CABIN1: variants seen among roughly 807,000 people sequenced by gnomAD.
CABIN1 encodes the protein calcineurin binding protein 1.
Under a neutral mutation model 227.7 loss-of-function variants are expected in CABIN1, and 133 were observed. The observed-to-expected ratio is 0.58, with a 90% confidence interval of 0.51 to 0.67. The LOEUF is 0.67. Ranked by LOEUF, CABIN1 falls within the 30% of genes least tolerant of loss-of-function variation. The pLI is 0.00. For missense variants in CABIN1, 2,408 were observed against 2,852.5 expected (o/e 0.84, Z 3.55); for synonymous variants, 1,086 against 1,155.1 (o/e 0.94, Z 1.21).
Position 24,084,650 on chromosome 22 carries a change from C to T in CABIN1, c.2982C>T (p.Asp994=), listed in dbSNP as rs1252233897. Residue 994 remains aspartate (D), a synonymous_variant, in exon 21 of 37, where the codon GAC becomes GAT. Transcript: ENST00000263119. ...YFKPKTLPEF[D]SYKTSTVSAD... is the part of the protein sequence containing the mutation. ...AGCCCAAGACCCTTCCTGAATTTGA[C>T]AGCTATAAGACCAGCACCGTGTCTG... is the stretch of plus-strand genomic sequence containing the variant. The T allele has an allele frequency of 1.9e-6, 3 of 1,614,118 alleles. No individual in the cohort carries two copies. The highest frequency in any genetic ancestry group is 1.3e-5 in the African/African-American group (1 of 75,026).
At position 24,136,219 on chromosome 22, in the gene CABIN1, T is replaced by A. The variant is rs187091037; in HGVS notation, c.4746+1804T>A. The stretch of plus-strand genomic sequence containing the variant: ...GTGCACACACTTCTGCCCCTTGTAT[T>A]TTTTCGCTAAACAATATCTCTAACA... On this transcript the variant is annotated intron_variant, in intron 29 of 36. Coordinates refer to ENST00000263119, the MANE Select transcript of CABIN1 (RefSeq NM_012295.4). 3.3e-5 allele frequency among the ~76,000 whole-genome samples: 5 copies of A among 152,212 alleles called. No homozygotes were observed. In the East Asian group the frequency reaches 9.6e-4, roughly 29 times the overall value.
At chr22:24,155,752 A>G in intron 29 of CABIN1, 2 of 372,656 alleles carry the variant, frequency 5.4e-6, no homozygotes, top group South Asian at 1.5e-4. Context: ...CAGTTGGCCA[A>G]TGCCATCCCG....
At chr22:24,035,390 G>C in intron 1 of CABIN1, 54 bp from the exon 2 acceptor site, 1 of 1,278,410 alleles carries the variant, frequency 7.8e-7, no homozygotes, top group African/African-American at 1.5e-5. Flanking sequence ...TTGGCACTGT[G>C]ACCTTCCTGG....
At position 24,055,063 on chromosome 22, in the gene CABIN1, G is replaced by A; in HGVS notation, c.997G>A (p.Val333Met). ...AAGCACTGTCAGCACCAACCCAGCT[G>A]TGGCTGTCGCCGAGCCTGTGGTCTC... ...QPSTVSTNPAVAVAEPVVSYT... is the reference protein window; with the variant it reads ...QPSTVSTNPAMAVAEPVVSYT... The change falls in exon 9 of 37, where the codon GTG becomes ATG. Residue 333 changes from valine (V) to methionine (M), a missense_variant. Physicochemically the swap from Val to Met is conservative, Grantham distance 21. This residue lies in a region of CABIN1 where 1,045 missense variants were observed against 1,168.4 expected (regional missense o/e 0.89). Coordinates refer to ENST00000263119, the MANE Select transcript of CABIN1 (RefSeq NM_012295.4). 6.2e-7 allele frequency: 1 copy of A among 1,614,270 alleles called. No individual in the cohort carries two copies. Among genetic ancestry groups the A allele is most frequent in the East Asian group, 2.2e-5 (1 of 44,890 alleles).
intron 24 of CABIN1, among the ~76,000 whole-genome samples, chr22:24,094,840 A>G (rs1407264284): frequency 1.6e-4 from 25 of 151,780 alleles, no homozygotes; most frequent in Admixed American, 9.2e-4. Flanking sequence ...AAAAAAAAAA[A>G]AAAAAGAAAC....
Position 24,070,849 on chromosome 22 carries a change from A to G in CABIN1, c.2282A>G (p.Asp761Gly), listed in dbSNP as rs1346404485. ...TATCGGCAGTGTTTTGAGTGTTCCG[A>G]TGTGGCTCTGAACGAGGCTGTCCAG... The part of the protein sequence containing the change: ...KDYRQCFECS[D>G]VALNEAVQQM... The change falls in exon 17 of 37, where the codon GAT becomes GGT. Residue 761 changes from aspartate to glycine, a missense_variant. Coordinates refer to ENST00000263119, the MANE Select transcript of CABIN1 (RefSeq NM_012295.4). 2 of 1,614,152 alleles carry G rather than the reference A, an allele frequency of 1.2e-6. No homozygotes were observed. Among genetic ancestry groups the G allele is most frequent in the Non-Finnish European group, 1.7e-6 (2 of 1,180,020 alleles).
At chr22:24,016,685 A>G (rs1346330936) in intron 1 of CABIN1, among the ~76,000 whole-genome samples, 1 of 152,226 alleles carries the variant, frequency 6.6e-6, no homozygotes, top group Non-Finnish European at 1.5e-5. Context: ...CTGGGTTGAA[A>G]GGTAAATGCA....
chr22:24,035,629 G>A, intron 2 of CABIN1, 109 bp downstream of exon 2: 5 of 1,384,178 alleles, frequency 3.6e-6, no homozygotes, highest in Non-Finnish European at 5.2e-6. Context: ...TTATTATGGA[G>A]TAGCCTTCCT....
intron 12 of CABIN1, among the ~76,000 whole-genome samples, chr22:24,060,880 A>G (rs1179464220): frequency 1.3e-5 from 2 of 152,036 alleles, no homozygotes; most frequent in African/African-American, 4.8e-5. Flanking sequence ...AGCCTAGGCG[A>G]CAAGGCGAGA....
intron 6 of CABIN1, among the ~76,000 whole-genome samples, chr22:24,047,187 C>T (rs765214525): frequency 1.3e-4 from 20 of 152,170 alleles, no homozygotes; most frequent in Non-Finnish European, 2.6e-4. Flanking sequence ...CTGATACATA[C>T]ACCTGTGAGA....
At chr22:24,085,224 A>C in intron 22 of CABIN1, 73 bp downstream of exon 22, 1 of 1,530,522 alleles carries the variant, frequency 6.5e-7, no homozygotes. Flanking sequence ...CAAGCTCTTC[A>C]GTGGGCCACT....
Position 24,067,067 on chromosome 22 carries a change from G to C in CABIN1, c.2118G>C (p.Lys706Asn), listed in dbSNP as rs766971496. The C allele has an allele frequency of 6.2e-7, 1 of 1,614,220 alleles. No homozygotes were observed. Among genetic ancestry groups the C allele is most frequent in the South Asian group, 1.1e-5 (1 of 91,088 alleles). ...GGCTGTATGAAGCAGGCGACTACAA[G>C]GCTGTTGTGCATCTGCTCCGCCCCA... ...IQRLYEAGDY[K>N]AVVHLLRPTL... Residue 706 changes from lysine to asparagine, a missense_variant, in exon 16 of 37, where the codon AAG becomes AAC. Around this residue, in one of 3 missense-constraint regions of CABIN1, gnomAD observed 1,045 missense variants for 1,168.4 expected, o/e 0.89. Transcript: ENST00000263119.
At chr22:24,038,893 C>T (rs2147030505) in intron 4 of CABIN1, among the ~76,000 whole-genome samples, 1 of 152,270 alleles carries the variant, frequency 6.6e-6, no homozygotes, top group Admixed American at 6.5e-5. Context: ...TTAGCAAATG[C>T]CATTTGAGTA....
chr22:24,175,814 G>A (rs986617322), intron 34 of CABIN1: 13 of 520,246 alleles, frequency 2.5e-5, no homozygotes, highest in African/African-American at 2.5e-4. Flanking sequence ...GGGATCTTAA[G>A]AGAGGCTGGG....
intron 1 of CABIN1, among the ~76,000 whole-genome samples, chr22:24,029,700 A>G: frequency 6.6e-6 from 1 of 152,174 alleles, no homozygotes; most frequent in East Asian, 1.9e-4. Flanking sequence ...GAAGAGTGGT[A>G]ATGATGGAGT....
intron 34 of CABIN1, among the ~76,000 whole-genome samples, chr22:24,174,646 C>T (rs1179935837): frequency 2.0e-5 from 3 of 152,094 alleles, no homozygotes; most frequent in Admixed American, 1.3e-4. Flanking sequence ...GGGTCTCCCA[C>T]GTGGTTGCAG....
rs115490626 is a variant in CABIN1, at chr22:24,020,737, C to T, written c.-75+9370C>T. Among the ~76,000 whole-genome samples, 1,462 of 152,094 alleles carry T rather than the reference C, an allele frequency of 9.6e-3. 30 individuals are homozygous for T. Among genetic ancestry groups the T allele is most frequent in the African/African-American group, 0.033 (1,374 of 41,472 alleles). On this transcript the variant is annotated intron_variant, in intron 1 of 36. Transcript: ENST00000263119. The stretch of plus-strand genomic sequence containing the variant: ...CCTTTCTTCTGTTGGTGGTGATGGT[C>T]GTGTTAGTAAATTCTAGTTTTAAGC...
Position 24,178,341 on chromosome 22 carries a change from GGCATCCTCCC to G in CABIN1, c.*146_*155del. The G allele has an allele frequency of 2.0e-6, 2 of 1,000,486 alleles. No homozygotes were observed. Among genetic ancestry groups the G allele is most frequent in the South Asian group, 3.1e-5 (2 of 65,418 alleles). The allele number at this position is 1,000,486 out of a possible 1,614,324, so 62.0% of individuals were successfully genotyped here. On this transcript the variant is annotated 3_prime_UTR_variant, in exon 37 of 37. Coordinates refer to ENST00000263119, the MANE Select transcript of CABIN1 (RefSeq NM_012295.4). Reference sequence around the variant, plus strand: ...AGGCCTGCCCAGCCCACCTCCTCATGGCATCCTCCCTGTACCCAGGTCAGGCTGTCCACAC... The same window carrying G: ...AGGCCTGCCCAGCCCACCTCCTCATGTGTACCCAGGTCAGGCTGTCCACAC...
At chr22:24,052,333 AG>A (rs2038398306) in intron 8 of CABIN1, among the ~76,000 whole-genome samples, 1 of 150,828 alleles carries the variant, frequency 6.6e-6, no homozygotes, top group Non-Finnish European at 1.5e-5. Flanking sequence ...CTGGTAGCAG[AG>A]GACATGATGC....
Sources: allele counts gnomAD v4.1 joint callset (sites outside exome capture counted in the v4.1 genomes callset), GRCh38; gene constraint gnomAD v4.1.1; regional missense constraint gnomAD v4.1.1; transcripts MANE v1.5; gene names NCBI Gene and HGNC (gene_info 2026-07-23, HGNC 2026-07-21).